Variants in SGCD observed in about 807,000 individuals in gnomAD.
SGCD encodes delta-sarcoglycan.
Under a neutral mutation model 36.6 loss-of-function variants are expected in SGCD, and 18 were observed. The ratio of observed to expected loss-of-function variants is 0.49; its 90% CI spans 0.34 to 0.73. The LOEUF (loss-of-function observed/expected upper bound fraction) is 0.73, where lower values mean the gene tolerates loss of function less well. SGCD is among the 30% of genes least tolerant of loss of function. The pLI is 0.01. For missense variants in SGCD, 387 were observed against 346.7 expected (o/e 1.12, Z -0.92); for synonymous variants, 133 against 130.6 (o/e 1.02, Z -0.12).
At chr5:156,395,658 T>C (rs1486109499) in intron 3 of SGCD, among the ~76,000 whole-genome samples, 1 of 152,194 alleles carries the variant, frequency 6.6e-6, no homozygotes, top group Non-Finnish European at 1.5e-5. Flanking sequence ...TCTAATCCTC[T>C]TCATGATCCT....
the SGCD span, among the ~76,000 whole-genome samples, chr5:155,748,194 G>A: frequency 2.0e-5 from 3 of 151,086 alleles, no homozygotes; most frequent in Non-Finnish European, 4.4e-5. Flanking sequence ...CAAACCACTA[G>A]ACTGTGTTAC....
chr5:156,605,344 T>C (rs1184810793), intron 6 of SGCD, among the ~76,000 whole-genome samples: 20 of 152,184 alleles, frequency 1.3e-4, no homozygotes, highest in Admixed American at 1.3e-3. Context: ...AATGATGGTT[T>C]CCAGCTTCAT....
intron 4 of SGCD, among the ~76,000 whole-genome samples, chr5:156,530,548 ATTTCT>A (rs1260304837): frequency 6.7e-6 from 1 of 149,130 alleles, no homozygotes; most frequent in African/African-American, 2.5e-5. Flanking sequence ...GCCATGCTTT[ATTTCT>A]TTTCTTTTCT....
chr5:156,122,340 A>G (rs2127602922), intron 2 of SGCD, among the ~76,000 whole-genome samples: 1 of 152,314 alleles, frequency 6.6e-6, no homozygotes, highest in African/African-American at 2.4e-5. Context: ...GGGGGATGAC[A>G]GATAATAAAC....
At chr5:155,994,529 A>G (rs1432724) in intron 1 of SGCD, among the ~76,000 whole-genome samples, 44,380 of 152,046 alleles carry the variant, frequency 0.29, 6,523 homozygotes, top group South Asian at 0.37. Flanking sequence ...TTATAAAGTG[A>G]AAGTTACTCT....
intron 4 of SGCD, among the ~76,000 whole-genome samples, chr5:156,578,156 C>A (rs138538719): frequency 0.041 from 6,298 of 152,232 alleles, 187 homozygotes; most frequent in Middle Eastern, 0.082. Flanking sequence ...GCTTTTCCTG[C>A]ATCTATTGAG....
the SGCD span, among the ~76,000 whole-genome samples, chr5:155,781,722 C>T: frequency 6.6e-6 from 1 of 152,246 alleles, no homozygotes; most frequent in African/African-American, 2.4e-5. Context: ...CAGCCCACCT[C>T]GGCCTCCCAA....
intron 3 of SGCD, among the ~76,000 whole-genome samples, chr5:156,475,930 G>A (rs1488095232): frequency 1.3e-5 from 2 of 152,178 alleles, no homozygotes; most frequent in Non-Finnish European, 2.9e-5. Context: ...TTGCAGCAGG[G>A]TGCATTGGAG....
intron 1 of SGCD, among the ~76,000 whole-genome samples, chr5:155,999,921 G>C (rs1244959199): frequency 6.6e-6 from 1 of 152,174 alleles, no homozygotes; most frequent in African/African-American, 2.4e-5. Context: ...CCTACTATTG[G>C]TATGAAGATT....
chr5:155,952,998 A>C (rs189154475), intron 1 of SGCD, among the ~76,000 whole-genome samples: 1 of 152,180 alleles, frequency 6.6e-6, no homozygotes, highest in Non-Finnish European at 1.5e-5. Flanking sequence ...ACACTGAAAG[A>C]TAATATGAAC....
At chr5:155,768,175 A>G in the SGCD span, among the ~76,000 whole-genome samples, 2 of 152,110 alleles carry the variant, frequency 1.3e-5, no homozygotes, top group Admixed American at 1.3e-4. Flanking sequence ...AATTTGTATT[A>G]GGAATTGTCT....
At position 156,413,971 on chromosome 5, in the gene SGCD, GAA is replaced by G. The variant is rs929666748; in HGVS notation, c.192+69295_192+69296del. On this transcript the variant is annotated intron_variant, in intron 3 of 8. Coordinates refer to ENST00000337851, the MANE Select transcript of SGCD (RefSeq NM_000337.6). ...TTGCTTTCCTTGAAATGGTGGTACA[GAA>G]GAGATAAAACTAACTCATTTGAATT... Among the ~76,000 whole-genome samples the G allele has an allele frequency of 5.3e-5, 8 of 152,280 alleles. 1 individual carries two copies. The highest frequency in any genetic ancestry group is 1.4e-4 in the African/African-American group (6 of 41,562).
At chr5:156,060,627 G>T (rs1048747218) in intron 1 of SGCD, among the ~76,000 whole-genome samples, 2 of 145,766 alleles carry the variant, frequency 1.4e-5, no homozygotes, top group African/African-American at 2.5e-5. Context: ...AATATATGTT[G>T]TTTTGTTGCA....
intron 2 of SGCD, among the ~76,000 whole-genome samples, chr5:156,343,888 A>G (rs191908642): frequency 1.3e-5 from 2 of 152,258 alleles, no homozygotes; most frequent in East Asian, 1.9e-4. Flanking sequence ...GTAGTTAGGT[A>G]TTTACTAGAC....
intron 1 of SGCD, among the ~76,000 whole-genome samples, chr5:155,892,907 T>C (rs948671691): frequency 2.0e-5 from 3 of 152,176 alleles, no homozygotes; most frequent in African/African-American, 4.8e-5. Flanking sequence ...CTAAAAGAGT[T>C]AATCTTATAG....
intron 6 of SGCD, among the ~76,000 whole-genome samples, chr5:156,612,608 T>C (rs543777075): frequency 1.4e-4 from 21 of 152,264 alleles, no homozygotes; most frequent in Admixed American, 1.2e-3. Flanking sequence ...GGTAAGGGTG[T>C]TGGATGGATT....
At chr5:155,754,242 C>T in the SGCD span, among the ~76,000 whole-genome samples, 1 of 152,168 alleles carries the variant, frequency 6.6e-6, no homozygotes, top group Non-Finnish European at 1.5e-5. Flanking sequence ...CCTGCTTTGT[C>T]TCCATCATGG....
At chr5:156,130,164 CT>C (rs1762280851) in intron 3 of SGCD, among the ~76,000 whole-genome samples, 1 of 152,136 alleles carries the variant, frequency 6.6e-6, no homozygotes, top group Non-Finnish European at 1.5e-5. Flanking sequence ...AATTTTTTGA[CT>C]TTTTAGTAAT....
At chr5:156,227,686 G>A (rs1268067325) in intron 3 of SGCD, among the ~76,000 whole-genome samples, 2 of 151,888 alleles carry the variant, frequency 1.3e-5, no homozygotes, top group African/African-American at 2.4e-5. Context: ...TTTGTAGATT[G>A]GGATTGATTT....
Sources: gnomAD v4.1 joint callset for allele counts (sites outside exome capture counted in the v4.1 genomes callset) on GRCh38, gnomAD v4.1.1 for gene constraint, MANE v1.5 for transcripts, NCBI Gene and HGNC (gene_info 2026-07-23, HGNC 2026-07-21) for gene names.